Variants in LYZL4 observed in about 807,000 individuals in gnomAD.
The protein encoded by LYZL4 is lysozyme-like protein 4.
In LYZL4, 13 loss-of-function variants were observed where a neutral mutation model predicts 17.6. That is an observed-to-expected ratio of 0.74 (90% CI 0.48 to 1.18). LYZL4 has a LOEUF of 1.18. LYZL4 is among the 50% of genes most tolerant of loss of function. The probability of loss-of-function intolerance (pLI) is 0.00; values close to 1 mark genes in which losing one functional copy is unlikely to be tolerated. For synonymous variants in LYZL4, 64 were observed against 67.7 expected (o/e 0.95, Z 0.27); for missense variants, 174 against 188.2 (o/e 0.92, Z 0.44).
chr3:42,392,290 A>G (rs965811108), downstream of LYZL4, among the ~76,000 whole-genome samples: 3 of 152,128 alleles, frequency 2.0e-5, no homozygotes, highest in African/African-American at 7.2e-5. Flanking sequence ...GGGGGTAGAC[A>G]GATGTGGGGA....
At chr3:42,394,561 G>A (rs1698526803), downstream of LYZL4, among the ~76,000 whole-genome samples, 1 of 152,206 alleles carries the variant, frequency 6.6e-6, no homozygotes, top group Admixed American at 6.5e-5. Flanking sequence ...GAGTTAATAT[G>A]ATAGCTGCTG....
At chr3:42,388,575 C>T in the LYZL4 span, among the ~76,000 whole-genome samples, 15 of 152,288 alleles carry the variant, frequency 9.8e-5, no homozygotes, top group East Asian at 1.7e-3. Context: ...CAGAGTTGAA[C>T]GCTTCTTGAG....
chr3:42,372,702 C>T, the LYZL4 span, among the ~76,000 whole-genome samples: 1 of 152,220 alleles, frequency 6.6e-6, no homozygotes, highest in African/African-American at 2.4e-5. Flanking sequence ...GCTTAACTTT[C>T]CAGCACAACT....
chr3:42,410,393 C>G (rs1053372946), intron 1 of LYZL4, 24 bp downstream of exon 1: 12 of 152,346 alleles, frequency 7.9e-5, no homozygotes, highest in African/African-American at 2.9e-4. Context: ...CCGTTACCCT[C>G]CTGCCCACCA....
the LYZL4 span, among the ~76,000 whole-genome samples, chr3:42,361,288 G>A: frequency 6.6e-6 from 1 of 151,972 alleles, no homozygotes; most frequent in Non-Finnish European, 1.5e-5. Flanking sequence ...CACTCCATAG[G>A]AACACATGTA....
At chr3:42,391,042 A>G in the LYZL4 span, among the ~76,000 whole-genome samples, 1 of 152,174 alleles carries the variant, frequency 6.6e-6, no homozygotes, top group Non-Finnish European at 1.5e-5. Context: ...GATGTTTGAC[A>G]TACGTACCCA....
In LYZL4 at chr3:42,407,260, G is replaced by A; in HGVS notation, c.-9C>T. ...ACCACGGATGCCTTCATCTTCTCCAGGCTCCTGGCAGGTCAGGGCAACGGT... is the reference window on the plus strand; with the variant it reads ...ACCACGGATGCCTTCATCTTCTCCAAGCTCCTGGCAGGTCAGGGCAACGGT... On this transcript the variant is annotated 5_prime_UTR_variant, in exon 2 of 5. Transcript: ENST00000287748. The A allele has an allele frequency of 1.2e-6, 2 of 1,614,040 alleles. No homozygotes were observed. The highest frequency in any genetic ancestry group is 1.1e-5 in the South Asian group (1 of 91,066).
At chr3:42,367,095 A>G in the LYZL4 span, among the ~76,000 whole-genome samples, 1 of 152,184 alleles carries the variant, frequency 6.6e-6, no homozygotes. Context: ...CTAGCTAGCC[A>G]TTCACTCTCA....
At chr3:42,366,016 C>A in the LYZL4 span, among the ~76,000 whole-genome samples, 10 of 152,224 alleles carry the variant, frequency 6.6e-5, no homozygotes, top group African/African-American at 2.4e-4. Flanking sequence ...ATTAAACGTA[C>A]CTACTTCTGG....
At chr3:42,409,989 C>T (rs1172890702) in intron 1 of LYZL4, among the ~76,000 whole-genome samples, 1 of 152,176 alleles carries the variant, frequency 6.6e-6, no homozygotes, top group Non-Finnish European at 1.5e-5. Flanking sequence ...CCAGCCATTC[C>T]TTCTACCTGG....
the LYZL4 span, among the ~76,000 whole-genome samples, chr3:42,381,928 T>C: frequency 1.1e-3 from 172 of 152,306 alleles, 1 homozygote; most frequent in South Asian, 8.5e-3. Context: ...CTAAAGCACA[T>C]GAGCTAAAAA....
the LYZL4 span, among the ~76,000 whole-genome samples, chr3:42,361,763 T>C: frequency 6.6e-6 from 1 of 152,118 alleles, no homozygotes; most frequent in East Asian, 1.9e-4. Context: ...ACTTTATCTT[T>C]TTAGAGCAGG....
the LYZL4 span, among the ~76,000 whole-genome samples, chr3:42,362,153 T>C: frequency 6.6e-6 from 1 of 152,164 alleles, no homozygotes; most frequent in Non-Finnish European, 1.5e-5. Flanking sequence ...AGAAAAAATA[T>C]TAATTGCTGC....
At chr3:42,390,404 C>T in the LYZL4 span, among the ~76,000 whole-genome samples, 1 of 152,292 alleles carries the variant, frequency 6.6e-6, no homozygotes, top group African/African-American at 2.4e-5. Flanking sequence ...TCAACAACAA[C>T]GATTTCTCTT....
At chr3:42,389,314 G>T in the LYZL4 span, among the ~76,000 whole-genome samples, 1 of 152,190 alleles carries the variant, frequency 6.6e-6, no homozygotes, top group Non-Finnish European at 1.5e-5. Context: ...GTAGGCCATG[G>T]CTTCCCTGCC....
At chr3:42,374,430 A>T in the LYZL4 span, among the ~76,000 whole-genome samples, 4 of 152,244 alleles carry the variant, frequency 2.6e-5, no homozygotes, top group East Asian at 7.7e-4. Flanking sequence ...TCTATTCTTC[A>T]CTGTAGTCAG....
intron 3 of LYZL4, among the ~76,000 whole-genome samples, chr3:42,405,662 G>A (rs1698735948): frequency 6.6e-6 from 1 of 152,108 alleles, no homozygotes; most frequent in Non-Finnish European, 1.5e-5. Context: ...ATGCTGGGGT[G>A]CTTAGGCAGG....
At chr3:42,405,909 T>A (rs1199580724) in intron 3 of LYZL4, among the ~76,000 whole-genome samples, 2 of 152,146 alleles carry the variant, frequency 1.3e-5, no homozygotes, top group Non-Finnish European at 2.9e-5. Flanking sequence ...ATTAGATGAA[T>A]ACTTATAAAG....
At chr3:42,380,015 T>C in the LYZL4 span, among the ~76,000 whole-genome samples, 1 of 152,198 alleles carries the variant, frequency 6.6e-6, no homozygotes, top group African/African-American at 2.4e-5. Flanking sequence ...GTGTAAGCAA[T>C]TGATGGGCAA....
Sources: gnomAD v4.1 joint callset for allele counts (sites outside exome capture counted in the v4.1 genomes callset) on GRCh38, gnomAD v4.1.1 for gene constraint, MANE v1.5 for transcripts, NCBI Gene and HGNC (gene_info 2026-07-23, HGNC 2026-07-21) for gene names.